The following EPHB1 variants were observed in gnomAD, a reference collection of about 807,000 sequenced individuals.
The protein encoded by EPHB1 is ephrin type-B receptor 1.
In EPHB1, 30 loss-of-function variants were observed where a neutral mutation model predicts 94.4. That is an observed-to-expected ratio of 0.32 (90% CI 0.24 to 0.43). The LOEUF is 0.43. Ranked by LOEUF, EPHB1 falls within the 20% of genes least tolerant of loss-of-function variation. The pLI is 1.00. For synonymous variants in EPHB1, 522 were observed against 489.1 expected, an observed-to-expected ratio of 1.07 and a Z score of -0.89; for missense variants, 1,055 against 1,308.3, an observed-to-expected ratio of 0.81 and a Z score of 2.99.
At chr3:135,145,218 C>T (rs1348369872) in intron 5 of EPHB1, among the ~76,000 whole-genome samples, 2 of 152,182 alleles carry the variant, frequency 1.3e-5, no homozygotes, top group African/African-American at 4.8e-5. Flanking sequence ...AGAGGGAACA[C>T]AGTTCATCTG....
intron 1 of EPHB1, among the ~76,000 whole-genome samples, chr3:134,879,580 A>G (rs2037686381): frequency 6.6e-6 from 1 of 152,142 alleles, no homozygotes; most frequent in Non-Finnish European, 1.5e-5. Context: ...TGAGTCTGGG[A>G]TGTGGAGGTT....
intron 3 of EPHB1, among the ~76,000 whole-genome samples, chr3:135,001,169 A>G (rs1424414168): frequency 6.6e-6 from 1 of 152,150 alleles, no homozygotes; most frequent in Non-Finnish European, 1.5e-5. Flanking sequence ...CTCTGTCTCC[A>G]GCAGTGTGAA....
intron 3 of EPHB1, among the ~76,000 whole-genome samples, chr3:135,006,371 G>A (rs552702870): frequency 6.6e-6 from 1 of 152,332 alleles, no homozygotes; most frequent in East Asian, 1.9e-4. Context: ...TGTTGGGGAT[G>A]ATGAAAATGT....
chr3:134,795,450 C>A lies in EPHB1; in HGVS notation c.-182C>A, dbSNP rs62272388. 29,798 of 588,412 alleles carry A rather than the reference C, an allele frequency of 0.051. 1,664 individuals are homozygous for A. Among genetic ancestry groups the A allele is most frequent in the South Asian group, 0.22 (10,307 of 47,124 alleles). The allele number at this position is 588,412 out of a possible 1,614,324, so 36.4% of individuals were successfully genotyped here. A position where few individuals can be genotyped will look rare whatever the true frequency, so the allele number is the denominator to read the frequency against. On this transcript the variant is annotated 5_prime_UTR_variant, in exon 1 of 16. Coordinates refer to ENST00000398015, the MANE Select transcript of EPHB1 (RefSeq NM_004441.5). Reference sequence around the variant, plus strand: ...ACACCCACACCCACGCGCGCCCGCACCGCCCCACGCGCACACACTCCTGCC... The same window carrying A: ...ACACCCACACCCACGCGCGCCCGCAACGCCCCACGCGCACACACTCCTGCC...
At chr3:135,035,181 A>G (rs1411599123) in intron 3 of EPHB1, among the ~76,000 whole-genome samples, 1 of 152,074 alleles carries the variant, frequency 6.6e-6, no homozygotes, top group Non-Finnish European at 1.5e-5. Flanking sequence ...CGAAGTGGGG[A>G]TGGGTTGTGC....
In EPHB1 at chr3:135,039,769, C is replaced by T. The variant is rs181617189; in HGVS notation, c.806-66679C>T. Among the ~76,000 whole-genome samples the T allele has an allele frequency of 5.1e-4, 78 of 152,346 alleles. 1 individual carries two copies. In the East Asian group the frequency reaches 0.012, roughly 23 times the overall value. On this transcript the variant is annotated intron_variant, in intron 3 of 15. Transcript: ENST00000398015. ...TGCCCACCCGGAACTCAAGCTGGCC[C>T]GCAAGCGCCGCACGCAGCCCCGGTT...
intron 1 of EPHB1, among the ~76,000 whole-genome samples, chr3:134,845,304 G>A (rs1474732815): frequency 2.0e-5 from 3 of 152,184 alleles, no homozygotes; most frequent in Non-Finnish European, 4.4e-5. Flanking sequence ...TCCATAAGAT[G>A]TGGGATTGAT....
At chr3:135,030,465 C>T (rs1338424842) in intron 3 of EPHB1, among the ~76,000 whole-genome samples, 2 of 152,136 alleles carry the variant, frequency 1.3e-5, no homozygotes, top group Non-Finnish European at 2.9e-5. Context: ...AGCTGCAGGT[C>T]TGTTGGAATA....
At chr3:135,012,446 A>G (rs1186746933) in intron 3 of EPHB1, among the ~76,000 whole-genome samples, 1 of 152,248 alleles carries the variant, frequency 6.6e-6, no homozygotes, top group Non-Finnish European at 1.5e-5. Context: ...ATCCTCCGTC[A>G]GTTGCCTTGT....
At chr3:135,244,817 C>T (rs1024431309) in intron 13 of EPHB1, among the ~76,000 whole-genome samples, 2 of 152,188 alleles carry the variant, frequency 1.3e-5, no homozygotes, top group Non-Finnish European at 2.9e-5. Flanking sequence ...ACTTCAAAGA[C>T]TTGAGTGGAT....
intron 15 of EPHB1, among the ~76,000 whole-genome samples, chr3:135,252,684 A>G (rs1214908642): frequency 2.9e-4 from 41 of 141,666 alleles, no homozygotes; most frequent in Admixed American, 4.3e-4. Flanking sequence ...ATACGTTTGC[A>G]CGTGTCTTTA....
chr3:134,900,186 C>T (rs1341529235), intron 1 of EPHB1, among the ~76,000 whole-genome samples: 5 of 152,150 alleles, frequency 3.3e-5, no homozygotes, highest in Admixed American at 3.3e-4. Context: ...GCAAAGGCCA[C>T]AGTTGTGCTC....
chr3:135,241,740 T>C (rs1373500503), intron 13 of EPHB1, among the ~76,000 whole-genome samples: 2 of 152,238 alleles, frequency 1.3e-5, no homozygotes, highest in African/African-American at 4.8e-5. Flanking sequence ...CTATGCTCCA[T>C]TGAGCCAGTC....
At chr3:135,076,251 A>G (rs1239294674) in intron 3 of EPHB1, among the ~76,000 whole-genome samples, 2 of 145,058 alleles carry the variant, frequency 1.4e-5, no homozygotes, top group Admixed American at 1.3e-4. Context: ...ATATATATAT[A>G]TATATATATA....
intron 15 of EPHB1, among the ~76,000 whole-genome samples, chr3:135,254,638 G>A (rs79268528): frequency 6.6e-6 from 1 of 152,042 alleles, no homozygotes; most frequent in Non-Finnish European, 1.5e-5. Flanking sequence ...GAAGATTTTA[G>A]CATCAATGTT....
chr3:135,149,991 C>A (rs1054005006), intron 5 of EPHB1, among the ~76,000 whole-genome samples: 1 of 152,234 alleles, frequency 6.6e-6, no homozygotes, highest in African/African-American at 2.4e-5. Context: ...CCCAACTAGA[C>A]TCCTGCACAG....
intron 3 of EPHB1, among the ~76,000 whole-genome samples, chr3:135,050,900 A>C (rs1384983625): frequency 6.9e-6 from 1 of 144,694 alleles, no homozygotes; most frequent in Non-Finnish European, 1.5e-5. Context: ...TCATGAGCCA[A>C]CTAAACACCC....
chr3:134,797,305 T>C (rs554691207), intron 1 of EPHB1, among the ~76,000 whole-genome samples: 56 of 152,282 alleles, frequency 3.7e-4, no homozygotes, highest in African/African-American at 1.3e-3. Context: ...GTTTGACTTA[T>C]TGAGAGACAC....
At chr3:135,096,680 A>C (rs1938779609) in intron 3 of EPHB1, among the ~76,000 whole-genome samples, 1 of 152,218 alleles carries the variant, frequency 6.6e-6, no homozygotes, top group Non-Finnish European at 1.5e-5. Flanking sequence ...CCATCTGCTC[A>C]TTGTACACTT....
Sources: gnomAD v4.1 joint callset for allele counts (sites outside exome capture counted in the v4.1 genomes callset) on GRCh38, gnomAD v4.1.1 for gene constraint, MANE v1.5 for transcripts, NCBI Gene and HGNC (gene_info 2026-07-23, HGNC 2026-07-21) for gene names.